EYS: variants seen among roughly 807,000 people sequenced by gnomAD.
EYS encodes protein eyes shut homolog.
A neutral mutation model predicts 282.1 loss-of-function variants in EYS; 250 were observed. That is an observed-to-expected ratio of 0.89 (90% CI 0.80 to 0.98). The LOEUF (loss-of-function observed/expected upper bound fraction) is 0.98, where lower values mean the gene tolerates loss of function less well. EYS is among the 50% of genes least tolerant of loss of function. EYS has a pLI of 0.00. For missense variants in EYS, 4,016 were observed against 3,709.0 expected (o/e 1.08, Z -2.15); for synonymous variants, 1,355 against 1,282.9 (o/e 1.06, Z -1.20).
chr6:65,504,565 TCTC>T (rs2127280336), intron 2 of EYS, among the ~76,000 whole-genome samples: 1 of 151,782 alleles, frequency 6.6e-6, no homozygotes, highest in Non-Finnish European at 1.5e-5. Flanking sequence ...TTGCTGTTTT[TCTC>T]CTCTATTTTT....
chr6:64,393,170 A>G (rs1326784458), intron 28 of EYS, among the ~76,000 whole-genome samples: 1 of 152,186 alleles, frequency 6.6e-6, no homozygotes, highest in Non-Finnish European at 1.5e-5. Context: ...GTCCAGGACC[A>G]GAGGGATTCA....
At chr6:65,407,647 T>C (rs1204306530) in intron 5 of EYS, among the ~76,000 whole-genome samples, 1 of 152,082 alleles carries the variant, frequency 6.6e-6, no homozygotes, top group South Asian at 2.1e-4. Flanking sequence ...CTAGTGCTAG[T>C]AGTTCTTTGG....
intron 14 of EYS, among the ~76,000 whole-genome samples, chr6:64,950,770 A>G: frequency 7.4e-6 from 1 of 134,958 alleles, no homozygotes; most frequent in African/African-American, 2.7e-5. Context: ...TAGAAACTGA[A>G]TAAAAAATAT....
intron 5 of EYS, among the ~76,000 whole-genome samples, chr6:65,413,368 G>T (rs1411951287): frequency 1.3e-5 from 2 of 152,042 alleles, no homozygotes; most frequent in Non-Finnish European, 2.9e-5. Context: ...CAAGGAAATA[G>T]AACACATTTA....
Position 63,877,361 on chromosome 6 carries a change from C to G in EYS, c.7056-13003G>C, listed in dbSNP as rs1049956407. Among the ~76,000 whole-genome samples, 7 of 152,292 alleles carry G rather than the reference C, an allele frequency of 4.6e-5. No homozygotes were observed. In the South Asian group the frequency reaches 8.3e-4, roughly 18 times the overall value. On this transcript the variant is annotated intron_variant, in intron 35 of 42. Coordinates refer to ENST00000503581, the MANE Select transcript of EYS (RefSeq NM_001142800.2). Reference sequence around the variant, plus strand: ...TCTGCTGTTATTCTGATGGGCTTCCCTTTGTAGGTAACCTGACCTTTCTCT... The same window carrying G: ...TCTGCTGTTATTCTGATGGGCTTCCGTTTGTAGGTAACCTGACCTTTCTCT...
chr6:65,301,202 G>A (rs1458841494), intron 11 of EYS, among the ~76,000 whole-genome samples: 2 of 152,138 alleles, frequency 1.3e-5, no homozygotes, highest in Admixed American at 6.6e-5. Flanking sequence ...TTTATTGAAA[G>A]TCTAGATTTT....
intron 22 of EYS, among the ~76,000 whole-genome samples, chr6:64,681,577 G>T (rs917683187): frequency 6.6e-6 from 1 of 152,142 alleles, no homozygotes. Context: ...TGATGGTTCC[G>T]CAATGATCAC....
At chr6:64,781,439 C>A (rs995639501) in intron 22 of EYS, among the ~76,000 whole-genome samples, 1 of 151,728 alleles carries the variant, frequency 6.6e-6, no homozygotes, top group Non-Finnish European at 1.5e-5. Flanking sequence ...TATGGCCGGG[C>A]GGTGGCTCAC....
intron 29 of EYS, among the ~76,000 whole-genome samples, chr6:64,333,428 G>A (rs367674799): frequency 1.2e-4 from 18 of 152,098 alleles, no homozygotes; most frequent in Admixed American, 2.0e-4. Context: ...CACCAAGGCC[G>A]TAATAGAAGA....
At chr6:64,180,109 C>T (rs929487642) in intron 31 of EYS, among the ~76,000 whole-genome samples, 2 of 152,072 alleles carry the variant, frequency 1.3e-5, no homozygotes, top group Non-Finnish European at 2.9e-5. Context: ...CTATTAATAA[C>T]ACTTTTGATA....
At chr6:65,261,936 A>G (rs1767631298) in intron 12 of EYS, among the ~76,000 whole-genome samples, 1 of 150,854 alleles carries the variant, frequency 6.6e-6, no homozygotes, top group African/African-American at 2.4e-5. Context: ...AACAAGGTCT[A>G]CTAACATTAT....
chr6:64,840,016 A>G (rs1009099181), intron 19 of EYS, among the ~76,000 whole-genome samples: 2 of 152,218 alleles, frequency 1.3e-5, no homozygotes, highest in South Asian at 4.1e-4. Flanking sequence ...ATGTAAGATC[A>G]TTCTAAGTAG....
At chr6:65,180,728 A>C (rs1284246508) in intron 12 of EYS, among the ~76,000 whole-genome samples, 1 of 152,086 alleles carries the variant, frequency 6.6e-6, no homozygotes, top group Non-Finnish European at 1.5e-5. Flanking sequence ...TATGGAACCA[A>C]AAAAGAGCCT....
At position 64,683,095 on chromosome 6, in the gene EYS, T is replaced by C. The variant is rs116832542; in HGVS notation, c.3444-56850A>G. Among the ~76,000 whole-genome samples, 994 of 152,326 alleles carry C rather than the reference T, an allele frequency of 6.5e-3. 9 individuals carry two copies. The highest frequency in any genetic ancestry group is 0.022 in the African/African-American group (932 of 41,572). On this transcript the variant is annotated intron_variant, in intron 22 of 42. Transcript: ENST00000503581. ...CAGAGACTTTAGCTGCTGTACACTC[T>C]AGGGAAGGCAGAGTTTAGAGTAGTA...
At chr6:64,628,051 G>T (rs1767666308) in intron 22 of EYS, among the ~76,000 whole-genome samples, 1 of 152,184 alleles carries the variant, frequency 6.6e-6, no homozygotes, top group Non-Finnish European at 1.5e-5. Flanking sequence ...CTGCACTCCA[G>T]CCCGGGCGAC....
chr6:65,393,268 C>T (rs1020374495), intron 7 of EYS, among the ~76,000 whole-genome samples: 4 of 152,124 alleles, frequency 2.6e-5, no homozygotes, highest in African/African-American at 9.7e-5. Context: ...CACATGTATA[C>T]ATACGTAACT....
At chr6:64,617,928 A>C (rs913715649) in intron 23 of EYS, among the ~76,000 whole-genome samples, 7 of 152,290 alleles carry the variant, frequency 4.6e-5, no homozygotes, top group African/African-American at 1.7e-4. Context: ...CCTTAATATG[A>C]ATCTTAAATT....
intron 19 of EYS, among the ~76,000 whole-genome samples, chr6:64,837,554 G>T (rs1324138657): frequency 6.7e-6 from 1 of 149,030 alleles, no homozygotes; most frequent in Non-Finnish European, 1.5e-5. Flanking sequence ...CATTGTCCCT[G>T]TTTTCAGATG....
intron 31 of EYS, among the ~76,000 whole-genome samples, chr6:64,194,537 T>C (rs1765221753): frequency 6.6e-6 from 1 of 152,196 alleles, no homozygotes; most frequent in South Asian, 2.1e-4. Context: ...TGAAAGTGAA[T>C]TTCTTAATTG....
Sources: allele counts gnomAD v4.1 joint callset (sites outside exome capture counted in the v4.1 genomes callset), GRCh38; gene constraint gnomAD v4.1.1; transcripts MANE v1.5; gene names NCBI Gene and HGNC (gene_info 2026-07-23, HGNC 2026-07-21).